PIAS1: variants seen among roughly 807,000 people sequenced by gnomAD.
PIAS1 encodes E3 SUMO-protein ligase PIAS1.
In PIAS1, 6 loss-of-function variants were observed where a neutral mutation model predicts 71.3. That is an observed-to-expected ratio of 0.08 (90% CI 0.05 to 0.17). PIAS1 has a LOEUF of 0.17. PIAS1 is among the 10% of genes least tolerant of loss of function. The pLI is 1.00. For synonymous variants in PIAS1, 303 were observed against 292.9 expected (o/e 1.03, Z -0.35); for missense variants, 555 against 793.6 (o/e 0.70, Z 3.61).
In PIAS1 at chr15:68,141,043, A is replaced by G. The variant is rs542240661; in HGVS notation, c.470-903A>G. Among the ~76,000 whole-genome samples the G allele has an allele frequency of 1.5e-3, 226 of 152,288 alleles. 1 individual carries two copies. Among genetic ancestry groups the G allele is most frequent in the African/African-American group, 5.1e-3 (211 of 41,554 alleles). ...GTTTTAAAAAAAAAATGTATCTAAC[A>G]TGTACTAAAAGCCAATGGATGTGGT... On this transcript the variant is annotated intron_variant, in intron 2 of 13. Coordinates refer to ENST00000249636, the MANE Select transcript of PIAS1 (RefSeq NM_016166.3).
intron 1 of PIAS1, among the ~76,000 whole-genome samples, chr15:68,070,652 A>C (rs1297870272): frequency 6.6e-6 from 1 of 152,238 alleles, no homozygotes; most frequent in Admixed American, 6.5e-5. Context: ...TGTAAAACAT[A>C]CTGGATTTCG....
At chr15:68,116,397 ATT>A (rs1219471208) in intron 2 of PIAS1, among the ~76,000 whole-genome samples, 2 of 152,096 alleles carry the variant, frequency 1.3e-5, no homozygotes, top group Non-Finnish European at 2.9e-5. Context: ...TATTAATAAT[ATT>A]CTCTTCACAT....
At chr15:68,158,600 A>T (rs982279155) in intron 7 of PIAS1, among the ~76,000 whole-genome samples, 4 of 152,078 alleles carry the variant, frequency 2.6e-5, no homozygotes, top group African/African-American at 9.7e-5. Context: ...ATTGCTCAGC[A>T]CAGTGCCACA....
intron 7 of PIAS1, among the ~76,000 whole-genome samples, chr15:68,155,113 C>T (rs1201525889): frequency 6.6e-6 from 1 of 152,146 alleles, no homozygotes; most frequent in Non-Finnish European, 1.5e-5. Flanking sequence ...TGTCTTTGCT[C>T]AAGCTGTTAA....
chr15:68,059,052 AGTAGTGCAGTG>A (rs2091928390), intron 1 of PIAS1, among the ~76,000 whole-genome samples: 1 of 134,070 alleles, frequency 7.5e-6, no homozygotes, highest in Non-Finnish European at 1.5e-5. Context: ...TTGCCCAGGC[AGTAGTGCAGTG>A]GCGCGATCTC....
At chr15:68,117,759 T>C (rs894275591) in intron 2 of PIAS1, among the ~76,000 whole-genome samples, 2 of 152,246 alleles carry the variant, frequency 1.3e-5, no homozygotes, top group African/African-American at 2.4e-5. Flanking sequence ...TTCGTCTCTC[T>C]GTGGACATTT....
intron 1 of PIAS1, among the ~76,000 whole-genome samples, chr15:68,072,398 T>TGAA (rs1567027721): frequency 5.8e-5 from 2 of 34,336 alleles, no homozygotes; most frequent in African/African-American, 3.2e-4. Flanking sequence ...AGACTCCATC[T>TGAA]CAAAAAAAAA....
At chr15:68,062,670 A>T (rs374296637) in intron 1 of PIAS1, among the ~76,000 whole-genome samples, 4 of 152,238 alleles carry the variant, frequency 2.6e-5, no homozygotes, top group South Asian at 2.1e-4. Flanking sequence ...TTTTCTCTGC[A>T]TGGGCATTTA....
At chr15:68,063,749 G>T (rs2091985639) in intron 1 of PIAS1, among the ~76,000 whole-genome samples, 1 of 151,956 alleles carries the variant, frequency 6.6e-6, no homozygotes, top group Non-Finnish European at 1.5e-5. Flanking sequence ...TTTTCTGAGG[G>T]TTCTCCAGGT....
At chr15:68,056,049 A>C (rs1252360443) in intron 1 of PIAS1, 1 of 561,536 alleles carries the variant, frequency 1.8e-6, no homozygotes, top group Non-Finnish European at 3.2e-6. Context: ...AGCCTTAGGA[A>C]TTTGAATATT....
intron 2 of PIAS1, among the ~76,000 whole-genome samples, chr15:68,117,306 G>A (rs1595738312): frequency 6.6e-6 from 1 of 152,072 alleles, no homozygotes; most frequent in Non-Finnish European, 1.5e-5. Context: ...GGCTGGTCTC[G>A]AACTCCTGAC....
rs1043464750 is a variant in PIAS1 at position 68,192,370 on chromosome 15, A to C, written c.*4535A>C. The C allele has an allele frequency of 2.0e-5, 3 of 152,110 alleles. No homozygotes were observed. Among genetic ancestry groups the C allele is most frequent in the Admixed American group, 2.0e-4 (3 of 15,262 alleles). The allele number at this position is 152,110 out of a possible 1,614,324, so 9.4% of individuals were successfully genotyped here. ...CTAGGAGCAGCCCCAGAAATTCTGC[A>C]TTTCTGTTTTTGTATTCTTAAGGCA... On this transcript the variant is annotated 3_prime_UTR_variant, in exon 14 of 14. Coordinates refer to ENST00000249636, the MANE Select transcript of PIAS1 (RefSeq NM_016166.3).
chr15:68,054,378 A>G lies in PIAS1; in HGVS notation c.24+28A>G. 1 of 1,561,016 alleles carries G rather than the reference A, an allele frequency of 6.4e-7. No individual in the cohort carries two copies. Among genetic ancestry groups the G allele is most frequent in the Non-Finnish European group, 8.7e-7 (1 of 1,152,830 alleles). ...AAAGCGCAGCTCGAATTCACTTCTA[A>G]TATTCGGCCGCGGAGACGGCGCCGC... is the stretch of plus-strand genomic sequence containing the variant. On this transcript the variant is annotated intron_variant, in intron 1 of 13. Coordinates refer to ENST00000249636, the MANE Select transcript of PIAS1 (RefSeq NM_016166.3). The surrounding 1 kb of genome is among the most constrained non-coding windows in gnomAD (Gnocchi z 4.6).
intron 1 of PIAS1, chr15:68,055,022 A>G (rs920233840): frequency 3.7e-5 from 6 of 160,228 alleles, no homozygotes; most frequent in Admixed American, 1.3e-4. Context: ...GGTTCGGCTG[A>G]GAGGTAGTGA....
At chr15:68,108,362 G>A (rs1158110047) in intron 2 of PIAS1, among the ~76,000 whole-genome samples, 1 of 152,046 alleles carries the variant, frequency 6.6e-6, no homozygotes, top group Non-Finnish European at 1.5e-5. Flanking sequence ...CAGTTGATGA[G>A]GTTCTCCTGC....
rs149152300 is a variant in PIAS1 at position 68,066,691 on chromosome 15, C to T, written c.24+12341C>T. 1.6e-4 allele frequency among the ~76,000 whole-genome samples: 25 copies of T among 152,112 alleles called. 1 individual carries two copies. The East Asian group carries it at 3.1e-3, about 19-fold the overall frequency. Reference sequence around the variant, plus strand: ...CAGCCTCTGTTCCTTAAACATCTTTCCCCAGGGTGTCAAAGTAAGACTGGA... The same window carrying T: ...CAGCCTCTGTTCCTTAAACATCTTTTCCCAGGGTGTCAAAGTAAGACTGGA... On this transcript the variant is annotated intron_variant, in intron 1 of 13. Coordinates refer to ENST00000249636, the MANE Select transcript of PIAS1 (RefSeq NM_016166.3).
chr15:68,169,979 A>C (rs1278351628), intron 8 of PIAS1, among the ~76,000 whole-genome samples: 2 of 152,136 alleles, frequency 1.3e-5, no homozygotes, highest in Non-Finnish European at 2.9e-5. Flanking sequence ...ACCAGAACTC[A>C]TACTCAGGCT....
intron 2 of PIAS1, among the ~76,000 whole-genome samples, chr15:68,139,808 T>C (rs1044708666): frequency 6.6e-6 from 1 of 152,202 alleles, no homozygotes; most frequent in Non-Finnish European, 1.5e-5. Context: ...TGGATTGTCT[T>C]TTGTACCCAT....
At chr15:68,139,200 A>G (rs1453605301) in intron 2 of PIAS1, among the ~76,000 whole-genome samples, 1 of 152,180 alleles carries the variant, frequency 6.6e-6, no homozygotes, top group Non-Finnish European at 1.5e-5. Context: ...CCGGTTTGGA[A>G]TCCAGGTCTG....
Sources: allele counts gnomAD v4.1 joint callset (sites outside exome capture counted in the v4.1 genomes callset), GRCh38; gene constraint gnomAD v4.1.1; non-coding constraint Gnocchi (gnomAD v3.1); transcripts MANE v1.5; gene names NCBI Gene and HGNC (gene_info 2026-07-23, HGNC 2026-07-21).